TUT4: variants seen among roughly 807,000 people sequenced by gnomAD.
The protein encoded by TUT4 is terminal uridylyltransferase 4.
In TUT4, 36 loss-of-function variants were observed where a neutral mutation model predicts 192.2. That is an observed-to-expected ratio of 0.19 (90% CI 0.14 to 0.25). The LOEUF is 0.25. Ranked by LOEUF, TUT4 falls within the 10% of genes least tolerant of loss-of-function variation. The pLI is 1.00. For missense variants in TUT4, 1,493 were observed against 1,957.2 expected (o/e 0.76, Z 4.47); for synonymous variants, 618 against 666.0 (o/e 0.93, Z 1.11).
At chr1:52,429,055 G>T (rs1408190635) in intron 28 of TUT4, among the ~76,000 whole-genome samples, 1 of 148,598 alleles carries the variant, frequency 6.7e-6, no homozygotes, top group Non-Finnish European at 1.5e-5. Context: ...ACTGTCTTTT[G>T]TGTATGTTTC....
intron 14 of TUT4, among the ~76,000 whole-genome samples, chr1:52,471,105 C>T (rs923596896): frequency 6.6e-6 from 1 of 150,998 alleles, no homozygotes; most frequent in East Asian, 1.9e-4. Flanking sequence ...CAACCTCCAC[C>T]TCCCAGGTCC....
At chr1:52,543,639 G>A (rs1195023926) in intron 1 of TUT4, among the ~76,000 whole-genome samples, 1 of 151,660 alleles carries the variant, frequency 6.6e-6, no homozygotes, top group Admixed American at 6.6e-5. Context: ...ACCTGCCACT[G>A]GGCCCAGGTA....
Position 52,474,989 on chromosome 1 carries a change from T to C in TUT4, c.2570A>G (p.Glu857Gly). ...STGTDCRSNL[E>G]TESSHQSVCT... ...CACACTCTGATGTGAACTCTCTGTT[T>C]CTAAATTTGACCTGCAGTCTGTTCC... Residue 857 changes from glutamate (E) to glycine (G), a missense_variant, in exon 13 of 30, where the codon GAA becomes GGA. Coordinates refer to ENST00000257177, the MANE Select transcript of TUT4 (RefSeq NM_001009881.3). 1 of 1,614,210 alleles carries C rather than the reference T, an allele frequency of 6.2e-7. No individual in the cohort carries two copies. The highest frequency in any genetic ancestry group is 8.5e-7 in the Non-Finnish European group (1 of 1,180,028).
chr1:52,461,829 T>A, intron 16 of TUT4, 60 bp from the exon 17 acceptor site: 1 of 985,462 alleles, frequency 1.0e-6, no homozygotes, highest in Non-Finnish European at 1.5e-6. Flanking sequence ...AATTCTACTT[T>A]AATCTAAGCA....
Position 52,423,970 on chromosome 1 carries a change from A to C in TUT4, c.4903T>G (p.Cys1635Gly). Residue 1635 changes from cysteine to glycine, a missense_variant, in exon 30 of 30, where the codon TGT becomes GGT. Physicochemically the swap from Cys to Gly is radical, Grantham distance 159. Around this residue, in one of 7 missense-constraint regions of TUT4, gnomAD observed 351 missense variants for 397.8 expected, o/e 0.88. Transcript: ENST00000257177. ...ACGTTTCCTCTTGGTGGGTGGGGAC[A>C]ACGCTCTCTACACCGACGGGTGGCA... is the stretch of plus-strand genomic sequence containing the variant. ...RCATRRCRER[C>G]PHPPRGNVSE is the part of the protein sequence containing the mutation. 6.2e-7 allele frequency: 1 copy of C among 1,613,260 alleles called. No homozygotes were observed.
At chr1:52,496,842 C>T (rs1325224445) in intron 5 of TUT4, among the ~76,000 whole-genome samples, 164 bp downstream of exon 5, 1 of 152,018 alleles carries the variant, frequency 6.6e-6, no homozygotes, top group Non-Finnish European at 1.5e-5. Context: ...TTCTCAATTT[C>T]CTTGTGTGAA....
intron 2 of TUT4, among the ~76,000 whole-genome samples, chr1:52,519,138 A>T (rs1362102686): frequency 6.6e-6 from 1 of 152,236 alleles, no homozygotes; most frequent in African/African-American, 2.4e-5. Flanking sequence ...CCATCAACTG[A>T]TGAATGGACA....
At chr1:52,476,717 CTA>C (rs762915507) in intron 12 of TUT4, among the ~76,000 whole-genome samples, 2 of 151,982 alleles carry the variant, frequency 1.3e-5, no homozygotes, top group Non-Finnish European at 2.9e-5. Context: ...CATTTATTTA[CTA>C]TATATAAGAG....
chr1:52,545,791 T>C (rs1687910794), intron 1 of TUT4, among the ~76,000 whole-genome samples: 1 of 151,550 alleles, frequency 6.6e-6, no homozygotes, highest in Admixed American at 6.6e-5. Flanking sequence ...TTCAAAAAAT[T>C]AAAAATATAC....
chr1:52,460,715 A>C (rs1350664950), intron 19 of TUT4, among the ~76,000 whole-genome samples: 1 of 152,236 alleles, frequency 6.6e-6, no homozygotes, highest in Non-Finnish European at 1.5e-5. Context: ...GAGAAAACTA[A>C]ATTCAATGTC....
chr1:52,483,821 T>C (rs1669110689), intron 9 of TUT4, among the ~76,000 whole-genome samples: 2 of 151,884 alleles, frequency 1.3e-5, no homozygotes, highest in Non-Finnish European at 2.9e-5. Flanking sequence ...ATATACATTT[T>C]CTTCATTAAG....
intron 20 of TUT4, among the ~76,000 whole-genome samples, chr1:52,447,469 CAAAAAAACA>C (rs1447365299): frequency 2.3e-5 from 3 of 132,406 alleles, no homozygotes; most frequent in African/African-American, 8.7e-5. Context: ...AACAAAAAAA[CAAAAAAACA>C]AAAAAAAAAA....
At chr1:52,532,078 G>A (rs1220985799) in intron 1 of TUT4, among the ~76,000 whole-genome samples, 8 of 151,204 alleles carry the variant, frequency 5.3e-5, no homozygotes, top group Non-Finnish European at 1.2e-4. Flanking sequence ...AGCAGATACG[G>A]GGTTTTACCA....
rs1253596245 is a variant in TUT4 at position 52,431,293 on chromosome 1, A to C, written c.4431T>G (p.Phe1477Leu). 6.2e-7 allele frequency: 1 copy of C among 1,614,084 alleles called. No individual in the cohort carries two copies. The highest frequency in any genetic ancestry group is 8.5e-7 in the Non-Finnish European group (1 of 1,180,006). ...AATACTGAGCTGGTGGTGACTGGGG[A>C]AAGTTATACAGTGGCATCTGGACCT... ...PHQVQMPLYN[F>L]PQSPPAQYSP... Residue 1477 changes from phenylalanine (F) to leucine (L), a missense_variant, in exon 28 of 30, where the codon TTT becomes TTG. Phe to Leu is a conservative substitution (Grantham distance 22, BLOSUM62 0). Around this residue, in one of 7 missense-constraint regions of TUT4, gnomAD observed 351 missense variants for 397.8 expected, o/e 0.88. Transcript: ENST00000257177.
Position 52,525,653 on chromosome 1 carries a change from G to A in TUT4, c.628C>T (p.Pro210Ser), listed in dbSNP as rs1226738935. The part of the protein sequence containing the change: ...GGEKCALQNS[P>S]RSQKQQTCTD... The stretch of plus-strand genomic sequence containing the variant: ...CATGTCTGTTGCTTCTGAGATCGTG[G>A]TGAGTTTTGCAGAGCACATTTTTCT... Residue 210 changes from proline to serine, a missense_variant, in exon 2 of 30, where the codon CCA (proline) becomes TCA (serine). Coordinates refer to ENST00000257177, the MANE Select transcript of TUT4 (RefSeq NM_001009881.3). The A allele has an allele frequency of 3.7e-6, 6 of 1,614,010 alleles. No individual in the cohort carries two copies. The African/African-American group carries it at 5.3e-5, about 14-fold the overall frequency.
chr1:52,442,187 A>G (rs1041294664), intron 24 of TUT4, among the ~76,000 whole-genome samples: 1 of 149,984 alleles, frequency 6.7e-6, no homozygotes, highest in Non-Finnish European at 1.5e-5. Context: ...AAAAAAAGCC[A>G]AAGTGTATGC....
chr1:52,466,000 C>T (rs1664012435), intron 15 of TUT4, among the ~76,000 whole-genome samples: 1 of 152,158 alleles, frequency 6.6e-6, no homozygotes, highest in Admixed American at 6.5e-5. Context: ...CCCACCTCAA[C>T]CTCCCAAGTG....
In TUT4 at chr1:52,494,419, C is replaced by T. The variant is rs144614960; in HGVS notation, c.1267-757G>A. 3.3e-5 allele frequency among the ~76,000 whole-genome samples: 5 copies of T among 152,200 alleles called. No homozygotes were observed. In the East Asian group the frequency reaches 7.7e-4, roughly 24 times the overall value. ...TATTTAAGAATATTTAGGCCAGGTG[C>T]GGTGGCTCACACCTGTAATCCCAGC... On this transcript the variant is annotated intron_variant, in intron 6 of 29. Transcript: ENST00000257177.
At position 52,525,589 on chromosome 1, in the gene TUT4, C is replaced by T. The variant is rs1681541292; in HGVS notation, c.692G>A (p.Gly231Glu). 1 of 1,610,650 alleles carries T rather than the reference C, an allele frequency of 6.2e-7. No homozygotes were observed. Among genetic ancestry groups the T allele is most frequent in the Non-Finnish European group, 8.5e-7 (1 of 1,178,486 alleles). ...TAAATCGTCCGATACGTCTTCAATT[C>T]CTGAAGCACTATCATCAGAATCACC... ...NTGDSDDSAS[G>E]IEDVSDDLSK... is the part of the protein sequence containing the mutation. Residue 231 changes from glycine (G) to glutamate (E), a missense_variant, in exon 2 of 30, where the codon GGA (glycine) becomes GAA (glutamate). By Grantham distance (98) the Gly-to-Glu change is moderately conservative. This residue lies in a region of TUT4 where 437 missense variants were observed against 577.6 expected (regional missense o/e 0.76). Transcript: ENST00000257177.
Sources: allele counts gnomAD v4.1 joint callset (sites outside exome capture counted in the v4.1 genomes callset), GRCh38; gene constraint gnomAD v4.1.1; regional missense constraint gnomAD v4.1.1; transcripts MANE v1.5; gene names NCBI Gene and HGNC (gene_info 2026-07-23, HGNC 2026-07-21).